Variants in CEP128 observed in about 807,000 individuals in gnomAD.
CEP128 encodes centrosomal protein 128.
A neutral mutation model predicts 156.7 loss-of-function variants in CEP128; 132 were observed. That is an observed-to-expected ratio of 0.84 (90% CI 0.73 to 0.97). The LOEUF is 0.97. Ranked by LOEUF, CEP128 falls within the 50% of genes least tolerant of loss-of-function variation. The probability of loss-of-function intolerance (pLI) is 0.00; values close to 1 mark genes in which losing one functional copy is unlikely to be tolerated. For synonymous variants in CEP128, 469 were observed against 448.9 expected (o/e 1.04, Z -0.57); for missense variants, 1,252 against 1,281.9 (o/e 0.98, Z 0.36).
chr14:80,570,941 T>C (rs1200795119), intron 20 of CEP128, among the ~76,000 whole-genome samples: 3 of 152,184 alleles, frequency 2.0e-5, no homozygotes. Flanking sequence ...AAATTATTTG[T>C]ATACATTTTT....
In CEP128 at chr14:80,497,353, T is replaced by C. The variant is rs1370856815; in HGVS notation, c.*126A>G. The C allele has an allele frequency of 9.6e-6, 6 of 626,284 alleles. No individual in the cohort carries two copies. The East Asian group carries it at 1.1e-4, about 12-fold the overall frequency. The allele number at this position is 626,284 out of a possible 1,614,324, so 38.8% of individuals were successfully genotyped here. ...ACAGTATTGTCACTTTTGTCAATGT[T>C]TGGCAATACCAAAGAGCCAAAGCTG... is the stretch of plus-strand genomic sequence containing the variant. On this transcript the variant is annotated 3_prime_UTR_variant, in exon 25 of 25. Coordinates refer to ENST00000555265, the MANE Select transcript of CEP128 (RefSeq NM_152446.5).
chr14:80,674,501 T>C (rs1336999325), intron 19 of CEP128, among the ~76,000 whole-genome samples: 1 of 152,104 alleles, frequency 6.6e-6, no homozygotes, highest in East Asian at 1.9e-4. Context: ...GCAAAACATA[T>C]TTTAAAACAG....
At chr14:80,639,298 C>T (rs941665828) in intron 19 of CEP128, among the ~76,000 whole-genome samples, 1 of 152,042 alleles carries the variant, frequency 6.6e-6, no homozygotes, top group African/African-American at 2.4e-5. Flanking sequence ...TCAGACAAAA[C>T]AATTTTATGC....
At chr14:80,601,677 C>T (rs1250408247) in intron 19 of CEP128, among the ~76,000 whole-genome samples, 1 of 151,992 alleles carries the variant, frequency 6.6e-6, no homozygotes, top group African/African-American at 2.4e-5. Flanking sequence ...ATATTGAATA[C>T]CATAAGCAAA....
intron 19 of CEP128, among the ~76,000 whole-genome samples, chr14:80,703,874 AC>A (rs1400808490): frequency 2.6e-5 from 4 of 152,074 alleles, no homozygotes; most frequent in Non-Finnish European, 5.9e-5. Context: ...CAGAGTCAAA[AC>A]AACAGTTTCA....
chr14:80,744,483 A>G (rs1398006475), intron 18 of CEP128, among the ~76,000 whole-genome samples: 1 of 151,808 alleles, frequency 6.6e-6, no homozygotes, highest in Non-Finnish European at 1.5e-5. Context: ...GTAAGTGCTA[A>G]AAATATTGTT....
chr14:80,883,256 A>G (rs1250170276), intron 8 of CEP128, among the ~76,000 whole-genome samples: 1 of 152,090 alleles, frequency 6.6e-6, no homozygotes, highest in African/African-American at 2.4e-5. Context: ...AGAGTGGGAA[A>G]AAACAAAATA....
intron 19 of CEP128, among the ~76,000 whole-genome samples, chr14:80,714,480 T>C (rs1897530479): frequency 1.3e-5 from 2 of 151,912 alleles, no homozygotes; most frequent in African/African-American, 4.9e-5. Flanking sequence ...TATGTGAATA[T>C]ACACATGAGT....
chr14:80,537,103 G>A (rs1256290067), intron 21 of CEP128, among the ~76,000 whole-genome samples: 1 of 151,904 alleles, frequency 6.6e-6, no homozygotes, highest in Non-Finnish European at 1.5e-5. Flanking sequence ...TTTGAGAACA[G>A]GTAACATATC....
chr14:80,819,147 T>C (rs1286651038), intron 13 of CEP128, among the ~76,000 whole-genome samples: 1 of 152,120 alleles, frequency 6.6e-6, no homozygotes, highest in Non-Finnish European at 1.5e-5. Flanking sequence ...ATGGTCAGAT[T>C]CTGGTGCAGA....
rs182161082 is a variant in CEP128, at chr14:80,744,925, G to A, written c.2614-1658C>T. 8.2e-3 allele frequency among the ~76,000 whole-genome samples: 1,247 copies of A among 152,278 alleles called. 15 individuals carry two copies. Among genetic ancestry groups the A allele is most frequent in the Non-Finnish European group, 0.01 (690 of 68,014 alleles). On this transcript the variant is annotated intron_variant, in intron 18 of 24. Coordinates refer to ENST00000555265, the MANE Select transcript of CEP128 (RefSeq NM_152446.5). Reference sequence around the variant, plus strand: ...TCCCCAGGTCACTTATAATAAAGCCGTATTTATGAATATGCCTGATGAATA... The same window carrying A: ...TCCCCAGGTCACTTATAATAAAGCCATATTTATGAATATGCCTGATGAATA...
In CEP128 at chr14:80,899,938, C is replaced by T. The variant is rs147570461; in HGVS notation, c.572G>A (p.Arg191Gln). 7.5e-6 allele frequency: 12 copies of T among 1,607,784 alleles called. No individual in the cohort carries two copies. Among genetic ancestry groups the T allele is most frequent in the African/African-American group, 6.7e-5 (5 of 74,762 alleles). Residue 191 changes from arginine to glutamine, a missense_variant and splice_region_variant, in exon 7 of 25, where the codon CGG becomes CAG. Physicochemically the swap from Arg to Gln is conservative, Grantham distance 43 (BLOSUM62 1). Coordinates refer to ENST00000555265, the MANE Select transcript of CEP128 (RefSeq NM_152446.5). Reference protein sequence around the residue: ...DFNRELSRRSRSDAETKRALE... With the variant: ...DFNRELSRRSQSDAETKRALE... ...CATAAAAACCATAGGCTGCTTTTAC[C>T]GGCTCCTTCTGGAAAGCTCCCTGTT...
chr14:80,844,322 T>C (rs1460965232), intron 9 of CEP128, among the ~76,000 whole-genome samples: 1 of 151,986 alleles, frequency 6.6e-6, no homozygotes, highest in Non-Finnish European at 1.5e-5. Flanking sequence ...GGAAAGGAAA[T>C]TCTATACCAA....
rs117488516 is a variant in CEP128 at position 80,830,391 on chromosome 14, G to A, written c.1209+752C>T. ...ATTTTCTACCTTTCATTTTAATTTT[G>A]GAAATACTTGAAATTAGAACACAAC... is the stretch of plus-strand genomic sequence containing the variant. On this transcript the variant is annotated intron_variant, in intron 13 of 24. Transcript: ENST00000555265. The A allele has an allele frequency of 4.7e-4, 187 of 397,740 alleles. 1 individual carries two copies. In the East Asian group the frequency reaches 6.6e-3, roughly 14 times the overall value. 24.6% of individuals were successfully genotyped at this position (397,740 alleles called of 1,614,324 possible).
chr14:80,661,992 GAT>G (rs911672575), intron 19 of CEP128, among the ~76,000 whole-genome samples: 3 of 152,162 alleles, frequency 2.0e-5, no homozygotes, highest in African/African-American at 7.2e-5. Flanking sequence ...CATCAGCAGA[GAT>G]AGAAGCTTCC....
At chr14:80,934,163 G>C (rs1013211316) in intron 2 of CEP128, among the ~76,000 whole-genome samples, 7 of 152,106 alleles carry the variant, frequency 4.6e-5, no homozygotes, top group African/African-American at 1.7e-4. Context: ...CAGCTTTCAA[G>C]CCTCCTGTCT....
chr14:80,758,856 C>A (rs191859270), intron 17 of CEP128, among the ~76,000 whole-genome samples: 60 of 152,322 alleles, frequency 3.9e-4, no homozygotes, highest in Admixed American at 2.5e-3. Context: ...CAACTTATAA[C>A]TGGGGACATG....
intron 9 of CEP128, among the ~76,000 whole-genome samples, chr14:80,850,489 C>T (rs551090187): frequency 6.6e-4 from 101 of 152,180 alleles, no homozygotes; most frequent in Non-Finnish European, 1.1e-3. Flanking sequence ...ACATTTAATG[C>T]AAATTATGTG....
At chr14:80,626,689 T>C (rs1893744652) in intron 19 of CEP128, among the ~76,000 whole-genome samples, 1 of 146,708 alleles carries the variant, frequency 6.8e-6, no homozygotes, top group African/African-American at 2.8e-5. Context: ...ACCTTAACTT[T>C]AGGCCAGTGA....
Sources: gnomAD v4.1 joint callset for allele counts (sites outside exome capture counted in the v4.1 genomes callset) on GRCh38, gnomAD v4.1.1 for gene constraint, MANE v1.5 for transcripts, NCBI Gene and HGNC (gene_info 2026-07-23, HGNC 2026-07-21) for gene names.